The following DOCK8 variants were observed in gnomAD, a reference collection of about 807,000 sequenced individuals.
DOCK8 encodes dedicator of cytokinesis 8, also known as dedicator of cytokinesis protein 8.
Under a neutral mutation model 245.6 loss-of-function variants are expected in DOCK8, and 141 were observed. That is an observed-to-expected ratio of 0.57 (90% CI 0.50 to 0.66). The LOEUF is 0.66. Ranked by LOEUF, DOCK8 falls within the 30% of genes least tolerant of loss-of-function variation. The pLI is 0.00. For missense variants in DOCK8, 2,965 were observed against 2,603.4 expected (o/e 1.14, Z -3.02); for synonymous variants, 1,168 against 970.2 (o/e 1.20, Z -3.79).
chr9:246,076 C>A (rs906924113), intron 1 of DOCK8, among the ~76,000 whole-genome samples: 4 of 151,986 alleles, frequency 2.6e-5, no homozygotes, highest in Non-Finnish European at 4.4e-5. Flanking sequence ...AAAAAATTGG[C>A]CAGGCATAGT....
intron 1 of DOCK8, among the ~76,000 whole-genome samples, chr9:259,020 C>G (rs1399738044): frequency 7.9e-5 from 12 of 151,356 alleles, no homozygotes. Flanking sequence ...AAAAAAACAA[C>G]TCTCGGTTGA....
intron 1 of DOCK8, among the ~76,000 whole-genome samples, chr9:228,223 T>C (rs1353842989): frequency 6.6e-6 from 1 of 152,180 alleles, no homozygotes; most frequent in Non-Finnish European, 1.5e-5. Context: ...ACAAAGGATG[T>C]GCTGATCTTA....
At chr9:400,838 ACCACC>A (rs2054964761) in intron 26 of DOCK8, among the ~76,000 whole-genome samples, 4 of 81,180 alleles carry the variant, frequency 4.9e-5, no homozygotes, top group Non-Finnish European at 6.9e-5. Context: ...CACCATCACC[ACCACC>A]TCCACCATCA....
chr9:337,862 A>T (rs1329881557), intron 12 of DOCK8, among the ~76,000 whole-genome samples: 1 of 152,178 alleles, frequency 6.6e-6, no homozygotes, highest in African/African-American at 2.4e-5. Context: ...GCACTTAGAA[A>T]CAGGTAAGAT....
chr9:334,171 A>T, intron 10 of DOCK8, 54 bp from the exon 11 acceptor site: 1 of 1,604,864 alleles, frequency 6.2e-7, no homozygotes, highest in Non-Finnish European at 8.5e-7. Flanking sequence ...GGTCAGAGGC[A>T]GTTGACTTGG....
chr9:347,950 A>T (rs1437870814), intron 14 of DOCK8, among the ~76,000 whole-genome samples: 1 of 152,200 alleles, frequency 6.6e-6, no homozygotes, highest in Non-Finnish European at 1.5e-5. Flanking sequence ...TACAAAACAT[A>T]TGAAGTCGTG....
At chr9:286,379 A>G in intron 2 of DOCK8, 82 bp from the exon 3 acceptor site, 2 of 1,519,818 alleles carry the variant, frequency 1.3e-6, no homozygotes, top group South Asian at 1.2e-5. Flanking sequence ...AAAGGAAAGC[A>G]AGGCAAACAT....
At position 220,695 on chromosome 9, in the gene DOCK8, CA is replaced by C; in HGVS notation, c.53+5668del. ...CAGGAATGTGCTACTGCTGTTCCCA[CA>C]AGCAGTAGTCTAATTTCTTTCTTTT... On this transcript the variant is annotated intron_variant, in intron 1 of 47. Coordinates refer to ENST00000432829, the MANE Select transcript of DOCK8 (RefSeq NM_203447.4). The C allele has an allele frequency of 9.9e-6, 4 of 403,584 alleles. No individual in the cohort carries two copies. In the Admixed American group the frequency reaches 1.2e-4, roughly 12 times the overall value. The allele number at this position is 403,584 out of a possible 1,614,324, so 25.0% of individuals were successfully genotyped here. A position where few individuals can be genotyped will look rare whatever the true frequency, so the allele number is the denominator to read the frequency against.
chr9:428,565 C>T (rs1165616614), intron 35 of DOCK8, 69 bp downstream of exon 35: 23 of 1,585,270 alleles, frequency 1.5e-5, no homozygotes, highest in Admixed American at 1.7e-5. Flanking sequence ...TCATACTTCT[C>T]TCTTCAGGTG....
chr9:262,839 T>A (rs1225269015), intron 1 of DOCK8, among the ~76,000 whole-genome samples: 1 of 152,018 alleles, frequency 6.6e-6, no homozygotes, highest in Non-Finnish European at 1.5e-5. Flanking sequence ...GTGCTTCTTA[T>A]AAGTAACAAT....
chr9:367,423 A>G (rs564235027), intron 14 of DOCK8, among the ~76,000 whole-genome samples: 3 of 152,290 alleles, frequency 2.0e-5, no homozygotes, highest in East Asian at 1.9e-4. Context: ...AAAGAAAAAT[A>G]TATGCAAGTT....
chr9:226,354 A>T (rs1234725902), intron 1 of DOCK8, among the ~76,000 whole-genome samples: 1 of 152,194 alleles, frequency 6.6e-6, no homozygotes, highest in Admixed American at 6.5e-5. Context: ...GGGAGCTACA[A>T]TTCAAGATGA....
chr9:407,095 A>G, intron 28 of DOCK8, 26 bp downstream of exon 28: 1 of 1,613,954 alleles, frequency 6.2e-7, no homozygotes, highest in South Asian at 1.1e-5. Flanking sequence ...TTAAAATGGA[A>G]GATGAAGCCA....
intron 18 of DOCK8, among the ~76,000 whole-genome samples, chr9:372,534 G>A (rs1457992090): frequency 6.6e-6 from 1 of 152,136 alleles, no homozygotes; most frequent in African/African-American, 2.4e-5. Flanking sequence ...TACCACAGAG[G>A]GATTCCCAGA....
intron 1 of DOCK8, among the ~76,000 whole-genome samples, chr9:238,017 A>G (rs1383632678): frequency 6.6e-6 from 1 of 152,166 alleles, no homozygotes; most frequent in Non-Finnish European, 1.5e-5. Context: ...GAGGATTTAT[A>G]GGAGAAGATG....
intron 24 of DOCK8, among the ~76,000 whole-genome samples, chr9:391,500 C>A (rs938926428): frequency 6.6e-6 from 1 of 151,890 alleles, no homozygotes; most frequent in Admixed American, 6.6e-5. Context: ...TACCATTACT[C>A]GAGCAGAAAA....
chr9:339,880 A>T (rs993164688), intron 13 of DOCK8, among the ~76,000 whole-genome samples: 1 of 152,206 alleles, frequency 6.6e-6, no homozygotes, highest in African/African-American at 2.4e-5. Context: ...AACAATGTAA[A>T]ATTATACTGT....
At chr9:405,177 C>T in intron 27 of DOCK8, 104 bp downstream of exon 27, 2 of 1,207,178 alleles carry the variant, frequency 1.7e-6, no homozygotes, top group Non-Finnish European at 2.3e-6. Flanking sequence ...ATTAATTTGA[C>T]AAAAAATCAA....
At chr9:282,025 T>G (rs1246463097) in intron 2 of DOCK8, among the ~76,000 whole-genome samples, 2 of 152,234 alleles carry the variant, frequency 1.3e-5, no homozygotes, top group Non-Finnish European at 2.9e-5. Flanking sequence ...AGTTTATGAC[T>G]TTATCATCAA....
Sources: gnomAD v4.1 joint callset for allele counts (sites outside exome capture counted in the v4.1 genomes callset) on GRCh38, gnomAD v4.1.1 for gene constraint, MANE v1.5 for transcripts, NCBI Gene and HGNC (gene_info 2026-07-23, HGNC 2026-07-21) for gene names.